The following DLG2 variants were observed in gnomAD, a reference collection of about 807,000 sequenced individuals.
DLG2 encodes the protein discs large MAGUK scaffold protein 2, also known as disks large homolog 2.
A neutral mutation model predicts 132.5 loss-of-function variants in DLG2; 45 were observed. The ratio of observed to expected loss-of-function variants is 0.34; its 90% CI spans 0.27 to 0.44. The LOEUF (loss-of-function observed/expected upper bound fraction) is 0.44, where lower values mean the gene tolerates loss of function less well. DLG2 is among the 20% of genes least tolerant of loss of function. DLG2 has a pLI of 1.00. For synonymous variants in DLG2, 424 were observed against 419.6 expected, an observed-to-expected ratio of 1.01 and a Z score of -0.13; for missense variants, 1,045 against 1,196.9, an observed-to-expected ratio of 0.87 and a Z score of 1.87.
chr11:84,987,690 C>T (rs2056648344), intron 6 of DLG2, among the ~76,000 whole-genome samples: 1 of 152,084 alleles, frequency 6.6e-6, no homozygotes, highest in Admixed American at 6.6e-5. Context: ...ATTCAACAAA[C>T]AGTGCTGGGA....
intron 4 of DLG2, among the ~76,000 whole-genome samples, chr11:85,238,257 A>T (rs1164385355): frequency 1.2e-5 from 1 of 80,958 alleles, no homozygotes; most frequent in Non-Finnish European, 2.9e-5. Flanking sequence ...TTATTTATTT[A>T]TTTTGAGACA....
At chr11:83,897,844 C>T (rs1156827009) in intron 15 of DLG2, among the ~76,000 whole-genome samples, 1 of 152,106 alleles carries the variant, frequency 6.6e-6, no homozygotes, top group Non-Finnish European at 1.5e-5. Context: ...TTAGAAATTA[C>T]TATGTTGAAT....
chr11:85,612,427 C>T (rs1467964009), intron 2 of DLG2, among the ~76,000 whole-genome samples: 3 of 152,188 alleles, frequency 2.0e-5, no homozygotes, highest in Non-Finnish European at 4.4e-5. Context: ...TGAGGAAACT[C>T]TTGTAGAAGC....
intron 19 of DLG2, among the ~76,000 whole-genome samples, chr11:83,575,282 G>A (rs894789360): frequency 6.6e-6 from 1 of 152,148 alleles, no homozygotes; most frequent in Non-Finnish European, 1.5e-5. Context: ...TAGTAGATGG[G>A]AAACAAATGA....
At chr11:85,141,592 C>T (rs1253304682) in intron 5 of DLG2, among the ~76,000 whole-genome samples, 2 of 151,724 alleles carry the variant, frequency 1.3e-5, no homozygotes, top group Admixed American at 6.6e-5. Context: ...GCTTTGGTTG[C>T]CTGCACTTCT....
chr11:83,999,648 G>A lies in DLG2; in HGVS notation c.920-19006C>T, dbSNP rs149676788. Among the ~76,000 whole-genome samples the A allele has an allele frequency of 2.6e-3, 388 of 152,110 alleles. 1 individual carries two copies. Among genetic ancestry groups the A allele is most frequent in the African/African-American group, 8.2e-3 (342 of 41,486 alleles). On this transcript the variant is annotated intron_variant, in intron 11 of 27. Coordinates refer to ENST00000376104, the MANE Select transcript of DLG2 (RefSeq NM_001142699.3). ...TCAGCTCACTGCTGCCACCCCTGGG[G>A]CCCAAAGATTGGACTGCTTGGCATC... is the stretch of plus-strand genomic sequence containing the variant.
chr11:84,715,953 T>C (rs1164553453), intron 6 of DLG2, among the ~76,000 whole-genome samples: 3 of 152,136 alleles, frequency 2.0e-5, no homozygotes, highest in African/African-American at 7.2e-5. Flanking sequence ...GGTTATATGG[T>C]AATTCTATTT....
chr11:84,335,583 A>G (rs1373479837), intron 7 of DLG2, among the ~76,000 whole-genome samples: 1 of 152,182 alleles, frequency 6.6e-6, no homozygotes, highest in Non-Finnish European at 1.5e-5. Flanking sequence ...CGGGTGTTTT[A>G]TGTCATTACT....
intron 7 of DLG2, among the ~76,000 whole-genome samples, chr11:84,322,882 G>A (rs982649449): frequency 7.2e-5 from 11 of 152,038 alleles, no homozygotes; most frequent in South Asian, 4.1e-4. Flanking sequence ...GAGCCACCAC[G>A]CCCAGCCGAT....
At chr11:84,110,873 G>C (rs888723054) in intron 9 of DLG2, among the ~76,000 whole-genome samples, 1 of 152,218 alleles carries the variant, frequency 6.6e-6, no homozygotes, top group Non-Finnish European at 1.5e-5. Flanking sequence ...GCAAGCCAGA[G>C]ATATAGTCTG....
chr11:84,666,544 CACTT>C (rs974625445), intron 6 of DLG2, among the ~76,000 whole-genome samples: 72 of 152,120 alleles, frequency 4.7e-4, no homozygotes, highest in African/African-American at 1.7e-3. Flanking sequence ...AGAAGTCTGA[CACTT>C]ACAGGAATCA....
chr11:84,821,648 C>CAAAAAAAA (rs1165617353), intron 6 of DLG2, among the ~76,000 whole-genome samples: 1 of 87,222 alleles, frequency 1.1e-5, no homozygotes. Context: ...AAAACAACAA[C>CAAAAAAAA]AACAAAAAAA....
rs902602042 is a variant in DLG2, at chr11:84,315,643, T to C, written c.520-64352A>G. On this transcript the variant is annotated intron_variant, in intron 7 of 27. Coordinates refer to ENST00000376104, the MANE Select transcript of DLG2 (RefSeq NM_001142699.3). ...CAACTTCTATTTTAAGCCAAACCAGTTTAATAATAAAATGGTAATGTATTT... is the reference window on the plus strand; with the variant it reads ...CAACTTCTATTTTAAGCCAAACCAGCTTAATAATAAAATGGTAATGTATTT... Among the ~76,000 whole-genome samples, 8 of 152,160 alleles carry C rather than the reference T, an allele frequency of 5.3e-5. No individual in the cohort carries two copies. The East Asian group carries it at 1.5e-3, about 29-fold the overall frequency.
chr11:84,720,617 G>A (rs2061708214), intron 6 of DLG2, among the ~76,000 whole-genome samples: 1 of 152,106 alleles, frequency 6.6e-6, no homozygotes, highest in African/African-American at 2.4e-5. Flanking sequence ...GGGAGGGACA[G>A]AACCAAGAAA....
At chr11:84,281,074 A>T (rs2097850242) in intron 7 of DLG2, among the ~76,000 whole-genome samples, 1 of 152,042 alleles carries the variant, frequency 6.6e-6, no homozygotes, top group African/African-American at 2.4e-5. Context: ...AGGAAAGATA[A>T]TATTTTCAAT....
intron 16 of DLG2, among the ~76,000 whole-genome samples, chr11:83,847,375 T>C (rs2154025469): frequency 6.6e-6 from 1 of 152,328 alleles, no homozygotes; most frequent in East Asian, 1.9e-4. Flanking sequence ...AAAATGTCTT[T>C]CGAGTTGAAG....
chr11:85,227,260 T>C (rs1017611797), intron 4 of DLG2, among the ~76,000 whole-genome samples: 7 of 151,994 alleles, frequency 4.6e-5, no homozygotes, highest in Non-Finnish European at 8.8e-5. Context: ...TAAAATTATT[T>C]AAGTTATAAA....
At chr11:84,918,062 T>C (rs931802463) in intron 6 of DLG2, among the ~76,000 whole-genome samples, 1 of 152,188 alleles carries the variant, frequency 6.6e-6, no homozygotes, top group Non-Finnish European at 1.5e-5. Context: ...TCATAGGATC[T>C]AGCAAAGAGT....
chr11:85,457,378 G>C (rs576674036), intron 3 of DLG2, among the ~76,000 whole-genome samples: 20 of 152,208 alleles, frequency 1.3e-4, no homozygotes, highest in Middle Eastern at 3.4e-3. Context: ...ATTAGGTCTT[G>C]CTTCTTTATC....
Sources: gnomAD v4.1 joint callset for allele counts (sites outside exome capture counted in the v4.1 genomes callset) on GRCh38, gnomAD v4.1.1 for gene constraint, MANE v1.5 for transcripts, NCBI Gene and HGNC (gene_info 2026-07-23, HGNC 2026-07-21) for gene names.